Variants in EPHB1 observed in about 807,000 individuals in gnomAD.
EPHB1 encodes the protein ephrin type-B receptor 1.
In EPHB1, 30 loss-of-function variants were observed where a neutral mutation model predicts 94.4. The observed-to-expected ratio is 0.32, with a 90% confidence interval of 0.24 to 0.43. The LOEUF (loss-of-function observed/expected upper bound fraction) is 0.43, where lower values mean the gene tolerates loss of function less well. Among genes scored for constraint, EPHB1 ranks in the 20% least tolerant of loss-of-function variants. The pLI is 1.00. For missense variants in EPHB1, 1,055 were observed against 1,308.3 expected, an observed-to-expected ratio of 0.81 and a Z score of 2.99; for synonymous variants, 522 against 489.1, an observed-to-expected ratio of 1.07 and a Z score of -0.89.
intron 3 of EPHB1, among the ~76,000 whole-genome samples, chr3:134,958,619 A>C (rs1933379339): frequency 6.6e-6 from 1 of 152,138 alleles, no homozygotes; most frequent in South Asian, 2.1e-4. Context: ...GGTCATTAAC[A>C]CCGCAGCCCT....
At chr3:135,183,052 T>TTC (rs1462320354) in intron 10 of EPHB1, among the ~76,000 whole-genome samples, 6 of 100,254 alleles carry the variant, frequency 6.0e-5, no homozygotes, top group Non-Finnish European at 6.0e-5. Context: ...CTTTCTTTCT[T>TTC]TCTTTCTTTC....
rs769907797 is a variant in EPHB1, at chr3:135,259,015, C to T, written c.2850C>T (p.Asp950=). 6.2e-7 allele frequency: 1 copy of T among 1,604,732 alleles called. No homozygotes were observed. The highest frequency in any genetic ancestry group is 1.7e-4 in the Middle Eastern group (1 of 6,040). Residue 950 remains aspartate (D), a synonymous_variant, in exon 16 of 16, where the codon GAC becomes GAT. Transcript: ENST00000398015. ...LQLVTQMTSE[D]LLRIGITLAG... is the part of the protein sequence containing the mutation. ...TTTTCTGGCTCTTTCCTCCTAGAGA[C>T]CTCCTGAGAATAGGCATCACCTTGG...
rs1199800354 is a variant in EPHB1 at position 134,952,121 on chromosome 3, T to A, written c.805+69T>A. ...CAGATCTGCAAGGTTTCCCCACCAA[T>A]AATTCTGGGTCATACAGGAACAGAA... On this transcript the variant is annotated intron_variant, in intron 3 of 15. Transcript: ENST00000398015. 20 of 1,482,416 alleles carry A rather than the reference T, an allele frequency of 1.3e-5. No individual in the cohort carries two copies. In the East Asian group the frequency reaches 4.5e-4, roughly 34 times the overall value. The allele number at this position is 1,482,416 out of a possible 1,614,324, so 91.8% of individuals were successfully genotyped here. A position where few individuals can be genotyped will look rare whatever the true frequency, so the allele number is the denominator to read the frequency against.
chr3:135,078,731 G>A lies in EPHB1; in HGVS notation c.806-27717G>A, dbSNP rs117164532. The stretch of plus-strand genomic sequence containing the variant: ...TTTCTTAGGGATCATAGCAAAGAGC[G>A]GCCTGGGCCTAAAAAATTCCAGTGA... On this transcript the variant is annotated intron_variant, in intron 3 of 15. Coordinates refer to ENST00000398015, the MANE Select transcript of EPHB1 (RefSeq NM_004441.5). Among the ~76,000 whole-genome samples, 119 of 152,284 alleles carry A rather than the reference G, an allele frequency of 7.8e-4. No homozygotes were observed. In the East Asian group the frequency reaches 0.02, roughly 25 times the overall value.
At chr3:135,248,574 G>A in intron 14 of EPHB1, 65 bp downstream of exon 14, 6 of 1,462,122 alleles carry the variant, frequency 4.1e-6, no homozygotes, top group African/African-American at 1.4e-5. Context: ...ATAGCCAGCA[G>A]CCTCTGACCA....
intron 1 of EPHB1, among the ~76,000 whole-genome samples, chr3:134,845,958 G>GT (rs1195315844): frequency 2.0e-5 from 3 of 148,326 alleles, no homozygotes; most frequent in Non-Finnish European, 4.4e-5. Context: ...GGAGGTGGAG[G>GT]TTTTTTGTGC....
chr3:135,097,273 G>A (rs1377291297), intron 3 of EPHB1, among the ~76,000 whole-genome samples: 1 of 143,352 alleles, frequency 7.0e-6, no homozygotes, highest in Non-Finnish European at 1.5e-5. Context: ...ACCTGGGCTT[G>A]CTTTATGGCT....
chr3:135,162,230 A>G (rs1559857016), intron 7 of EPHB1, 50 bp downstream of exon 7: 1 of 1,504,860 alleles, frequency 6.6e-7, no homozygotes. Flanking sequence ...GCAGTGTGGG[A>G]GAAAAAGTAG....
At chr3:134,964,711 G>T (rs1243789764) in intron 3 of EPHB1, among the ~76,000 whole-genome samples, 2 of 152,128 alleles carry the variant, frequency 1.3e-5, no homozygotes, top group Non-Finnish European at 2.9e-5. Flanking sequence ...GGCTCTGTTT[G>T]TCTTTTCCCT....
At chr3:135,249,187 TGAA>T in intron 14 of EPHB1, 146 bp from the exon 15 acceptor site, 4 of 898,450 alleles carry the variant, frequency 4.5e-6, no homozygotes, top group Non-Finnish European at 6.5e-6. Context: ...TAGGATTCCA[TGAA>T]GAAGAAAGGT....
At chr3:135,217,424 CCACACA>C (rs200312241) in intron 12 of EPHB1, among the ~76,000 whole-genome samples, 7,402 of 143,442 alleles carry the variant, frequency 0.052, 211 homozygotes, top group Admixed American at 0.062. Flanking sequence ...CCCATCAGTA[CCACACA>C]CACACACACA....
rs1314807678 is a variant in EPHB1 at position 135,064,490 on chromosome 3, G to A, written c.806-41958G>A. ...GGTTTTCGAATTTACATGCATAAAT[G>A]TGTTCATAGTAGCCTCAAATGATCT... is the stretch of plus-strand genomic sequence containing the variant. On this transcript the variant is annotated intron_variant, in intron 3 of 15. Coordinates refer to ENST00000398015, the MANE Select transcript of EPHB1 (RefSeq NM_004441.5). Among the ~76,000 whole-genome samples the A allele has an allele frequency of 3.3e-5, 5 of 152,198 alleles. 1 individual carries two copies. The highest frequency in any genetic ancestry group is 4.2e-4 in the South Asian group (2 of 4,816).
intron 3 of EPHB1, among the ~76,000 whole-genome samples, chr3:134,965,983 C>G (rs1933729362): frequency 6.6e-6 from 1 of 152,190 alleles, no homozygotes; most frequent in Non-Finnish European, 1.5e-5. Flanking sequence ...TCCTGCCTTC[C>G]CTGCCTGTAG....
chr3:134,924,247 A>C (rs976978170), intron 1 of EPHB1, among the ~76,000 whole-genome samples: 4 of 152,236 alleles, frequency 2.6e-5, no homozygotes, highest in Non-Finnish European at 5.9e-5. Context: ...AATAAATTGG[A>C]CTTCATCAAA....
rs1424213544 is a variant in EPHB1, at chr3:135,076,260, T to TATAA, written c.806-30187_806-30186insTAAA. Among the ~76,000 whole-genome samples the TATAA allele has an allele frequency of 5.6e-4, 58 of 104,364 alleles. 2 individuals carry two copies. Among genetic ancestry groups the TATAA allele is most frequent in the African/African-American group, 1.9e-3 (52 of 27,664 alleles). The allele number at this position is 104,364 out of a possible 152,430, so 68.5% of individuals were successfully genotyped here. On this transcript the variant is annotated intron_variant, in intron 3 of 15. Transcript: ENST00000398015. ...ATATATATATATATATATATATATA[T>TATAA]AACTCTTAAATGCATTAGTAAAAAG...
intron 1 of EPHB1, among the ~76,000 whole-genome samples, chr3:134,925,490 A>T (rs2038772558): frequency 6.6e-6 from 1 of 152,212 alleles, no homozygotes; most frequent in Non-Finnish European, 1.5e-5. Flanking sequence ...ATCTGGGAAG[A>T]AGCTGGGTCT....
intron 3 of EPHB1, among the ~76,000 whole-genome samples, chr3:135,026,175 G>C (rs1477354262): frequency 1.4e-5 from 2 of 141,132 alleles, no homozygotes; most frequent in African/African-American, 5.2e-5. Flanking sequence ...CCTGTTCACT[G>C]TGATGGTAGT....
intron 1 of EPHB1, among the ~76,000 whole-genome samples, chr3:134,918,982 A>G (rs2038623960): frequency 6.6e-6 from 1 of 152,224 alleles, no homozygotes; most frequent in Non-Finnish European, 1.5e-5. Context: ...CTCCAGCTGC[A>G]TGAAGAGCAA....
At chr3:134,948,054 A>G (rs1292489005) in intron 2 of EPHB1, among the ~76,000 whole-genome samples, 6 of 152,134 alleles carry the variant, frequency 3.9e-5, no homozygotes, top group Admixed American at 1.3e-4. Flanking sequence ...TCACCCTTCC[A>G]AAGTGCTAGA....
Sources: gnomAD v4.1 joint callset for allele counts (sites outside exome capture counted in the v4.1 genomes callset) on GRCh38, gnomAD v4.1.1 for gene constraint, MANE v1.5 for transcripts, NCBI Gene and HGNC (gene_info 2026-07-23, HGNC 2026-07-21) for gene names.